The following CCDC61 variants were observed in gnomAD, a reference collection of about 807,000 sequenced individuals.
CCDC61 encodes the protein coiled-coil domain containing 61.
Under a neutral mutation model 63.0 loss-of-function variants are expected in CCDC61, and 55 were observed. The ratio of observed to expected loss-of-function variants is 0.87; its 90% CI spans 0.70 to 1.09. The LOEUF is 1.09. CCDC61 is among the 50% of genes least tolerant of loss of function. CCDC61 has a pLI of 0.00. For synonymous variants in CCDC61, 270 were observed against 317.0 expected, an observed-to-expected ratio of 0.85 and a Z score of 1.58; for missense variants, 651 against 731.4, an observed-to-expected ratio of 0.89 and a Z score of 1.27.
intron 3 of CCDC61, 47 bp downstream of exon 3, chr19:46,003,548 C>A: frequency 7.6e-7 from 1 of 1,311,782 alleles, no homozygotes; most frequent in Non-Finnish European, 1.1e-6. Context: ...GTTCTGTCTT[C>A]CAGGTTCCAG....
chr19:46,018,141 C>A lies in CCDC61; in HGVS notation c.1432C>A (p.Pro478Thr). The stretch of plus-strand genomic sequence containing the variant: ...TCTGGCCAACTCCGGGGGCTGGGTC[C>A]CCATCAAAGGTGAGCCTGGGACTCC... ...KSLANSGGWV[P>T]IKEYSSEHQA... The change falls in exon 13 of 14, where the codon CCC becomes ACC. Residue 478 changes from proline (P) to threonine (T), a missense_variant. By Grantham distance (38) the Pro-to-Thr change is conservative. Coordinates refer to ENST00000595358, the MANE Select transcript of CCDC61 (RefSeq NM_001267723.2). This position sits in a 1 kb window ranked among gnomAD's most constrained non-coding sequence, Gnocchi z 4.2. The A allele has an allele frequency of 6.2e-7, 1 of 1,606,850 alleles. No homozygotes were observed. The highest frequency in any genetic ancestry group is 1.3e-5 in the African/African-American group (1 of 74,718).
intron 2 of CCDC61, 47 bp from the exon 3 acceptor site, chr19:46,003,372 G>A (rs2146459071): frequency 6.4e-7 from 1 of 1,565,732 alleles, no homozygotes; most frequent in African/African-American, 1.3e-5. Context: ...TTGCCCTGGG[G>A]CTGGGCAAGC....
In CCDC61 at chr19:46,016,875, TG is replaced by T; in HGVS notation, c.1231+45del. The T allele has an allele frequency of 3.5e-6, 2 of 577,662 alleles. No homozygotes were observed. Among genetic ancestry groups the T allele is most frequent in the South Asian group, 4.2e-5 (2 of 47,144 alleles). 35.8% of individuals were successfully genotyped at this position (577,662 alleles called of 1,614,324 possible). A position where few individuals can be genotyped will look rare whatever the true frequency, so the allele number is the denominator to read the frequency against. ...TGGGGGCTGCCGGGCTAGGCGGGAC[TG>T]GGCGGGGCTGGGCGGGCTGGGAGGC... is the stretch of plus-strand genomic sequence containing the variant. On this transcript the variant is annotated intron_variant, in intron 10 of 13. Coordinates refer to ENST00000595358, the MANE Select transcript of CCDC61 (RefSeq NM_001267723.2). The surrounding 1 kb of genome is among the most constrained non-coding windows in gnomAD (Gnocchi z 7.2).
chr19:46,003,123 C>T lies in CCDC61; in HGVS notation c.105C>T (p.Asp35=), dbSNP rs1408817340. 6.2e-7 allele frequency: 1 copy of T among 1,613,416 alleles called. No individual in the cohort carries two copies. The highest frequency in any genetic ancestry group is 1.1e-5 in the South Asian group (1 of 90,846). ...SGQVLELEVE[D]RMTADQWRGE... ...AGGTGCTGGAGCTGGAGGTGGAGGACCGGATGACGGCTGACCAGTGGCGGG... is the reference window on the plus strand; with the variant it reads ...AGGTGCTGGAGCTGGAGGTGGAGGATCGGATGACGGCTGACCAGTGGCGGG... The change falls in exon 2 of 14, where the codon GAC becomes GAT. Residue 35 remains aspartate, a synonymous_variant. Coordinates refer to ENST00000595358, the MANE Select transcript of CCDC61 (RefSeq NM_001267723.2).
At chr19:46,009,939 CT>C (rs1568693051) in intron 5 of CCDC61, among the ~76,000 whole-genome samples, 2 of 152,184 alleles carry the variant, frequency 1.3e-5, no homozygotes, top group Admixed American at 1.3e-4. Context: ...GCCCTCCACC[CT>C]TTGGAACCAA....
intron 4 of CCDC61, among the ~76,000 whole-genome samples, chr19:46,006,941 C>G (rs117762595): frequency 6.6e-6 from 1 of 152,158 alleles, no homozygotes; most frequent in African/African-American, 2.4e-5. Context: ...ACAAATAATA[C>G]GTCACGTAAC....
At chr19:46,001,213 A>G (rs993232052) in intron 1 of CCDC61, among the ~76,000 whole-genome samples, 3 of 152,018 alleles carry the variant, frequency 2.0e-5, no homozygotes, top group African/African-American at 7.3e-5. Flanking sequence ...AGCAAGATCG[A>G]GATTATTATT....
intron 5 of CCDC61, among the ~76,000 whole-genome samples, chr19:46,011,060 C>CTT (rs762176005): frequency 3.2e-5 from 4 of 125,778 alleles, no homozygotes; most frequent in Non-Finnish European, 7.3e-5. Flanking sequence ...TTCTTTCTTT[C>CTT]TTTTTTTTTT....
chr19:46,017,202 C>T (rs1830305801), intron 11 of CCDC61, 45 bp from the exon 12 acceptor site: 1 of 1,543,684 alleles, frequency 6.5e-7, no homozygotes. Context: ...GTGGGAAGTA[C>T]CAGAGCCTCC....
At chr19:46,009,820 G>GTA (rs1968791121) in intron 5 of CCDC61, among the ~76,000 whole-genome samples, 1 of 150,148 alleles carries the variant, frequency 6.7e-6, no homozygotes, top group East Asian at 1.9e-4. Context: ...GTGTGTATGT[G>GTA]TGTGTGTGTG....
chr19:46,017,292 T>G lies in CCDC61; in HGVS notation c.1356T>G (p.Ser452Arg). The G allele has an allele frequency of 6.4e-7, 1 of 1,563,056 alleles. No individual in the cohort carries two copies. The highest frequency in any genetic ancestry group is 8.7e-7 in the Non-Finnish European group (1 of 1,153,258). ...RGKPPSPTPW[S>R]GSNMKSPPVE... Reference sequence around the variant, plus strand: ...AGCCTCCCAGCCCAACGCCCTGGAGTGGGTCCAATATGGTGAGTAGAAGGG... The same window carrying G: ...AGCCTCCCAGCCCAACGCCCTGGAGGGGGTCCAATATGGTGAGTAGAAGGG... The change falls in exon 12 of 14, where the codon AGT becomes AGG. Residue 452 changes from serine (S) to arginine (R), a missense_variant. Ser to Arg is a moderately radical substitution (Grantham distance 110). Transcript: ENST00000595358.
intron 5 of CCDC61, among the ~76,000 whole-genome samples, chr19:46,011,570 A>G (rs1042866359): frequency 6.6e-6 from 1 of 152,168 alleles, no homozygotes; most frequent in Non-Finnish European, 1.5e-5. Flanking sequence ...CTGTACTTGC[A>G]GTGAAGTGGT....
intron 3 of CCDC61, among the ~76,000 whole-genome samples, chr19:46,005,954 G>A (rs548452282): frequency 1.4e-3 from 206 of 152,224 alleles, no homozygotes; most frequent in African/African-American, 4.7e-3. Flanking sequence ...ATAAAGAGAT[G>A]TGTGCTCTAG....
rs1237574477 is a variant in CCDC61, at chr19:46,015,505, G to GGGGGC, written c.845+89_845+93dup. ...TGGAGGCTGATGAGGCGGAGCCTAA[G>GGGGGC]GGGGCGGGGCGGGGCCAGGTAGGGT... On this transcript the variant is annotated intron_variant, in intron 7 of 13. Transcript: ENST00000595358. The surrounding 1 kb of genome is among the most constrained non-coding windows in gnomAD (Gnocchi z 5.3). 1 of 1,291,204 alleles carries GGGGGC rather than the reference G, an allele frequency of 7.7e-7. No individual in the cohort carries two copies. Among genetic ancestry groups the GGGGGC allele is most frequent in the Non-Finnish European group, 1.1e-6 (1 of 946,418 alleles). The allele number at this position is 1,291,204 out of a possible 1,614,324, so 80.0% of individuals were successfully genotyped here.
chr19:46,003,383 G>A lies in CCDC61; in HGVS notation c.149-36G>A, dbSNP rs192152668. On this transcript the variant is annotated intron_variant, in intron 2 of 13. Transcript: ENST00000595358. ...TGCATTGCCCTGGGGCTGGGCAAGC[G>A]GTCAGACCTCAGGAGAGACTTTTCT... The A allele has an allele frequency of 2.0e-4, 313 of 1,590,832 alleles. No homozygotes were observed. The African/African-American group carries it at 2.9e-3, about 15-fold the overall frequency.
rs1464005897 is a variant in CCDC61, at chr19:46,015,014, C to T, written c.552-35C>T. The T allele has an allele frequency of 6.8e-7, 1 of 1,478,234 alleles. No homozygotes were observed. The highest frequency in any genetic ancestry group is 2.1e-5 in the Admixed American group (1 of 46,516). 91.6% of individuals were successfully genotyped at this position (1,478,234 alleles called of 1,614,324 possible). A position where few individuals can be genotyped will look rare whatever the true frequency, so the allele number is the denominator to read the frequency against. On this transcript the variant is annotated intron_variant, in intron 5 of 13. Coordinates refer to ENST00000595358, the MANE Select transcript of CCDC61 (RefSeq NM_001267723.2). This position sits in a 1 kb window ranked among gnomAD's most constrained non-coding sequence, Gnocchi z 5.3. Reference sequence around the variant, plus strand: ...TGGAGTAGTGGGAATGGGGCCATGCCTCTCTCTCCAGCGCTCTCTCCGCGT... The same window carrying T: ...TGGAGTAGTGGGAATGGGGCCATGCTTCTCTCTCCAGCGCTCTCTCCGCGT...
At chr19:46,009,542 A>G (rs1249013189) in intron 5 of CCDC61, among the ~76,000 whole-genome samples, 3 of 152,204 alleles carry the variant, frequency 2.0e-5, no homozygotes, top group Admixed American at 2.0e-4. Flanking sequence ...CGCAGGTCAC[A>G]CAGTGGGTAA....
In CCDC61 at chr19:46,006,718, T is replaced by TG. The variant is rs1968719207; in HGVS notation, c.389+6dup. 1 of 1,600,570 alleles carries TG rather than the reference T, an allele frequency of 6.2e-7. No individual in the cohort carries two copies. Among genetic ancestry groups the TG allele is most frequent in the East Asian group, 2.2e-5 (1 of 44,524 alleles). On this transcript the variant is annotated splice_region_variant and intron_variant, in intron 4 of 13. Transcript: ENST00000595358. Reference sequence around the variant, plus strand: ...CATCTACTCCGTGGAGTTTGACAGGTGGGGAGAAGGGTCTGGCTCCAGGGC... The same window carrying TG: ...CATCTACTCCGTGGAGTTTGACAGGTGGGGGAGAAGGGTCTGGCTCCAGGGC...
chr19:46,002,932 A>G (rs1300483966), intron 1 of CCDC61, 76 bp from the exon 2 acceptor site: 1 of 1,399,272 alleles, frequency 7.1e-7, no homozygotes, highest in African/African-American at 1.4e-5. Context: ...TGGAGCCAGG[A>G]TATGAGGCCT....
Sources: gnomAD v4.1 joint callset for allele counts (sites outside exome capture counted in the v4.1 genomes callset) on GRCh38, gnomAD v4.1.1 for gene constraint, Gnocchi (gnomAD v3.1) non-coding constraint, MANE v1.5 for transcripts, NCBI Gene and HGNC (gene_info 2026-07-23, HGNC 2026-07-21) for gene names.